Variants in NRAP observed in about 807,000 individuals in gnomAD.
NRAP encodes nebulin-related-anchoring protein.
A neutral mutation model predicts 225.9 loss-of-function variants in NRAP; 189 were observed. That is an observed-to-expected ratio of 0.84 (90% confidence interval 0.74 to 0.94). The LOEUF (loss-of-function observed/expected upper bound fraction) is 0.94, where lower values mean the gene tolerates loss of function less well. NRAP is among the 40% of genes least tolerant of loss of function. The pLI, the probability that NRAP is intolerant of heterozygous loss-of-function variation, is 0.00. For synonymous variants in NRAP, 769 were observed against 790.7 expected, an observed-to-expected ratio of 0.97 and a Z score of 0.46; for missense variants, 2,176 against 2,168.7, an observed-to-expected ratio of 1.00 and a Z score of -0.07.
intron 19 of NRAP, among the ~76,000 whole-genome samples, chr10:113,629,377 C>T (rs535121152): frequency 6.6e-6 from 1 of 152,320 alleles, no homozygotes; most frequent in Non-Finnish European, 1.5e-5. Flanking sequence ...CACATCTTGA[C>T]TTTAGCATTA....
rs147903870 is a variant in NRAP, at chr10:113,628,463, C to A, written c.2145+454G>T. Among the ~76,000 whole-genome samples the A allele has an allele frequency of 3.8e-3, 582 of 152,240 alleles. 4 individuals carry two copies. The highest frequency in any genetic ancestry group is 0.013 in the African/African-American group (527 of 41,532). On this transcript the variant is annotated intron_variant, in intron 20 of 41. Coordinates refer to ENST00000359988, the MANE Select transcript of NRAP (RefSeq NM_198060.4). Reference sequence around the variant, plus strand: ...TAGGCCTCCTAAAGTAGTGGGATTACAGGCCAACCTCTTCATTTTTATACG... The same window carrying A: ...TAGGCCTCCTAAAGTAGTGGGATTAAAGGCCAACCTCTTCATTTTTATACG...
chr10:113,660,793 G>A (rs537438642), intron 3 of NRAP, among the ~76,000 whole-genome samples: 2 of 152,134 alleles, frequency 1.3e-5, no homozygotes, highest in Admixed American at 6.5e-5. Flanking sequence ...AGTGCTTTTT[G>A]TCTTCTGGAG....
At chr10:113,657,371 C>T in intron 4 of NRAP, 99 bp downstream of exon 4, 4 of 684,712 alleles carry the variant, frequency 5.8e-6, no homozygotes, top group Non-Finnish European at 1.0e-5. Context: ...TGAAAGGAAA[C>T]CTACTTGGTT....
rs548095189 is a variant in NRAP, at chr10:113,609,098, T to C, written c.3604-586A>G. On this transcript the variant is annotated intron_variant, in intron 31 of 41. Coordinates refer to ENST00000359988, the MANE Select transcript of NRAP (RefSeq NM_198060.4). ...TCGCTTGAACCTGGGAGGCGGAGGTTGCAGTGGGCTGAGATCGCACCATTG... is the reference window on the plus strand; with the variant it reads ...TCGCTTGAACCTGGGAGGCGGAGGTCGCAGTGGGCTGAGATCGCACCATTG... 4.6e-5 allele frequency among the ~76,000 whole-genome samples: 7 copies of C among 152,300 alleles called. No individual in the cohort carries two copies. In the South Asian group the frequency reaches 1.5e-3, roughly 32 times the overall value.
intron 22 of NRAP, among the ~76,000 whole-genome samples, chr10:113,623,983 A>G (rs1592790808): frequency 6.6e-6 from 1 of 152,002 alleles, no homozygotes; most frequent in Non-Finnish European, 1.5e-5. Flanking sequence ...CTGTCCACGC[A>G]CCCCACCCTG....
rs1014521737 is a variant in NRAP, at chr10:113,598,001, T to C, written c.4300A>G (p.Ser1434Gly). The C allele has an allele frequency of 6.2e-7, 1 of 1,613,768 alleles. No individual in the cohort carries two copies. Among genetic ancestry groups the C allele is most frequent in the Non-Finnish European group, 8.5e-7 (1 of 1,179,848 alleles). ...WLALRSPQME[S>G]AKKAGELISE... Reference sequence around the variant, plus strand: ...ATGAGTTCTCCAGCCTTCTTTGCACTCTCCATCTGTGGGGATCTCAGCGCC... The same window carrying C: ...ATGAGTTCTCCAGCCTTCTTTGCACCCTCCATCTGTGGGGATCTCAGCGCC... The change falls in exon 36 of 42, where the codon AGT (serine) becomes GGT (glycine). Residue 1434 changes from serine (S) to glycine (G), a missense_variant. By Grantham distance (56) the Ser-to-Gly change is moderately conservative. Transcript: ENST00000359988.
intron 3 of NRAP, among the ~76,000 whole-genome samples, chr10:113,658,434 G>A (rs1319045558): frequency 1.3e-5 from 2 of 152,162 alleles, no homozygotes; most frequent in African/African-American, 4.8e-5. Flanking sequence ...TTAATTGGGG[G>A]AAAACTGACC....
In NRAP at chr10:113,638,690, G is replaced by A. The variant is rs138914008; in HGVS notation, c.1428+1537C>T. Among the ~76,000 whole-genome samples, 629 of 152,306 alleles carry A rather than the reference G, an allele frequency of 4.1e-3. 6 individuals are homozygous for A. Among genetic ancestry groups the A allele is most frequent in the African/African-American group, 0.014 (583 of 41,542 alleles). ...TGTCTCAGGGTTTTCAAGAAAAGGT[G>A]AGCGTATTAGTTTTTGTCTAAAATC... On this transcript the variant is annotated intron_variant, in intron 14 of 41. Coordinates refer to ENST00000359988, the MANE Select transcript of NRAP (RefSeq NM_198060.4).
At chr10:113,596,834 T>C (rs1033115542) in intron 37 of NRAP, among the ~76,000 whole-genome samples, 1 of 152,218 alleles carries the variant, frequency 6.6e-6, no homozygotes, top group African/African-American at 2.4e-5. Context: ...TCTTATGAAA[T>C]GGTTGCTATT....
chr10:113,658,000 T>C (rs774733318), intron 3 of NRAP, among the ~76,000 whole-genome samples: 4 of 152,214 alleles, frequency 2.6e-5, no homozygotes, highest in Non-Finnish European at 4.4e-5. Context: ...ACCTTTAACA[T>C]CCTGATTTAT....
intron 39 of NRAP, 111 bp from the exon 40 acceptor site, chr10:113,591,000 A>C: frequency 1.1e-6 from 1 of 871,054 alleles, no homozygotes; most frequent in Non-Finnish European, 1.8e-6. Context: ...AGAGTGGGTT[A>C]GAGGCACAGG....
In NRAP at chr10:113,590,783, T is replaced by C. The variant is rs1845929573; in HGVS notation, c.4751A>G (p.Gln1584Arg). 3 of 1,614,228 alleles carry C rather than the reference T, an allele frequency of 1.9e-6. No homozygotes were observed. The African/African-American group carries it at 4.0e-5, about 22-fold the overall frequency. The change falls in exon 40 of 42, where the codon CAG becomes CGG. Residue 1584 changes from glutamine to arginine, a missense_variant. Transcript: ENST00000359988. ...GTCCTTCTTGTACTCATTGTCACTC[T>C]GGAGCCTGCCAACGTTGAGGAAATG... ...MKHFLNVGRLQSDNEYKKDFA... is the reference protein window; with the variant it reads ...MKHFLNVGRLRSDNEYKKDFA...
At chr10:113,614,082 C>A in intron 29 of NRAP, 101 bp downstream of exon 29, 1 of 779,430 alleles carries the variant, frequency 1.3e-6, no homozygotes, top group Non-Finnish European at 2.3e-6. Flanking sequence ...AGCAACAGAA[C>A]CAATACCCAT....
rs773538675 is a variant in NRAP at position 113,629,695 on chromosome 10, T to C, written c.1933A>G (p.Thr645Ala). 3 of 1,613,768 alleles carry C rather than the reference T, an allele frequency of 1.9e-6. No individual in the cohort carries two copies. Among genetic ancestry groups the C allele is most frequent in the Admixed American group, 3.3e-5 (2 of 59,996 alleles). ...CTGTAGTCCAGGTCACTGGCGAGAGTTTGGGCCTTCTTAGCATGCCTGATG... is the reference window on the plus strand; with the variant it reads ...CTGTAGTCCAGGTCACTGGCGAGAGCTTGGGCCTTCTTAGCATGCCTGATG... ...VNIRHAKKAQ[T>A]LASDLDYRKK... Residue 645 changes from threonine to alanine, a missense_variant, in exon 19 of 42, where the codon ACT becomes GCT. By Grantham distance (58) the Thr-to-Ala change is moderately conservative. Coordinates refer to ENST00000359988, the MANE Select transcript of NRAP (RefSeq NM_198060.4).
rs188684827 is a variant in NRAP, at chr10:113,593,649, A to G, written c.4537-1348T>C. Among the ~76,000 whole-genome samples the G allele has an allele frequency of 2.6e-5, 4 of 152,358 alleles. No homozygotes were observed. The East Asian group carries it at 7.7e-4, about 29-fold the overall frequency. On this transcript the variant is annotated intron_variant, in intron 38 of 41. Transcript: ENST00000359988. ...TGAGTTTAGCAGTTAGGACTGAAAG[A>G]CATGTAGGAATGTTCAGATTATGAC... is the stretch of plus-strand genomic sequence containing the variant.
At chr10:113,604,551 G>T in intron 35 of NRAP, 58 bp downstream of exon 35, 1 of 1,495,094 alleles carries the variant, frequency 6.7e-7, no homozygotes. Context: ...TTGACACCCG[G>T]GTTTGGTGAA....
intron 39 of NRAP, 61 bp from the exon 40 acceptor site, chr10:113,590,950 C>T (rs543353097): frequency 6.3e-6 from 9 of 1,436,326 alleles, no homozygotes; most frequent in South Asian, 3.7e-5. Context: ...ACCAGCCTCA[C>T]ATATGGGGCC....
chr10:113,594,143 C>T (rs747234332), intron 38 of NRAP, among the ~76,000 whole-genome samples: 1 of 152,158 alleles, frequency 6.6e-6, no homozygotes, highest in Non-Finnish European at 1.5e-5. Flanking sequence ...ACAGTTTTGT[C>T]CTCATCCTCA....
intron 14 of NRAP, among the ~76,000 whole-genome samples, chr10:113,639,652 CAT>C (rs1329327350): frequency 2.6e-5 from 4 of 152,080 alleles, no homozygotes; most frequent in Admixed American, 1.3e-4. Context: ...CTATAATAAA[CAT>C]GTAGTAAAAT....
Sources: allele counts gnomAD v4.1 joint callset (sites outside exome capture counted in the v4.1 genomes callset), GRCh38; gene constraint gnomAD v4.1.1; transcripts MANE v1.5; gene names NCBI Gene and HGNC (gene_info 2026-07-23, HGNC 2026-07-21).